Variants in HEATR6 observed in about 807,000 individuals in gnomAD.
HEATR6 encodes the protein HEAT repeat-containing protein 6.
A neutral mutation model predicts 132.8 loss-of-function variants in HEATR6; 106 were observed. That is an observed-to-expected ratio of 0.80 (90% CI 0.68 to 0.94). The LOEUF is 0.94. HEATR6 is among the 40% of genes least tolerant of loss of function. The pLI, the probability that HEATR6 is intolerant of heterozygous loss-of-function variation, is 0.00. For missense variants in HEATR6, 1,339 were observed against 1,425.1 expected, an observed-to-expected ratio of 0.94 and a Z score of 0.97; for synonymous variants, 529 against 537.8, an observed-to-expected ratio of 0.98 and a Z score of 0.23.
chr17:60,076,030 AAAAACAGCC>A, intron 2 of HEATR6, 91 bp downstream of exon 2: 1 of 654,048 alleles, frequency 1.5e-6, no homozygotes, highest in South Asian at 2.0e-5. Context: ...TAGCATCTCA[AAAAACAGCC>A]TATCATACCT....
Position 60,069,783 on chromosome 17 carries a change from C to A in HEATR6, c.867G>T (p.Pro289=), listed in dbSNP as rs181089053. ...GTGTTCGCCCATCATACTGAGGAAG[C>A]GGAGTTGGGTATAACACCGTGGGCA... ...IEMPTVLYPT[P]LPQYDGRTPI... Residue 289 remains proline, a synonymous_variant, in exon 7 of 20, where the codon CCG becomes CCT. Coordinates refer to ENST00000184956, the MANE Select transcript of HEATR6 (RefSeq NM_022070.5). 1.1e-5 allele frequency: 17 copies of A among 1,613,882 alleles called. No homozygotes were observed. Among genetic ancestry groups the A allele is most frequent in the Non-Finnish European group, 1.4e-5 (17 of 1,179,914 alleles).
chr17:60,070,503 T>G (rs539356513), intron 6 of HEATR6, among the ~76,000 whole-genome samples: 3 of 152,248 alleles, frequency 2.0e-5, no homozygotes, highest in Non-Finnish European at 4.4e-5. Flanking sequence ...AATTTTAAAA[T>G]TTTGATGCAT....
intron 16 of HEATR6, 78 bp from the exon 17 acceptor site, chr17:60,048,466 T>C: frequency 7.1e-7 from 1 of 1,414,924 alleles, no homozygotes; most frequent in Admixed American, 2.0e-5. Context: ...TATTTTCAGA[T>C]AAAGCTAGAA....
intron 8 of HEATR6, among the ~76,000 whole-genome samples, chr17:60,066,785 G>A (rs2083243108): frequency 6.6e-6 from 1 of 152,190 alleles, no homozygotes; most frequent in African/African-American, 2.4e-5. Context: ...CAAAGCCCCA[G>A]CCTTGACAAG....
At chr17:60,060,205 G>A in intron 9 of HEATR6, 109 bp from the exon 10 acceptor site, 1 of 768,886 alleles carries the variant, frequency 1.3e-6, no homozygotes, top group Non-Finnish European at 2.1e-6. Context: ...TTAATTGGAA[G>A]AATAAAGGCA....
rs754417578 is a variant in HEATR6 at position 60,078,848 on chromosome 17, T to TTGCTTCCCGCGG, written c.55_66dup (p.Pro19_Ala22dup). On this transcript the variant is annotated inframe_insertion, in exon 1 of 20. Transcript: ENST00000184956. ...CGAAACCCATTGCCTCGCTCAGGGA[T>TTGCTTCCCGCGG]TGCTTCCCGCGGTGCCTCCCGCGGC... 6 of 1,485,308 alleles carry TTGCTTCCCGCGG rather than the reference T, an allele frequency of 4.0e-6. No individual in the cohort carries two copies. The highest frequency in any genetic ancestry group is 5.4e-6 in the Non-Finnish European group (6 of 1,101,776). 92.0% of individuals were successfully genotyped at this position (1,485,308 alleles called of 1,614,324 possible).
chr17:60,078,625 A>C, intron 1 of HEATR6, 71 bp downstream of exon 1: 1 of 1,211,272 alleles, frequency 8.3e-7, no homozygotes, highest in Non-Finnish European at 1.2e-6. Flanking sequence ...AGGGAAAGGC[A>C]GGCAGAGGCC....
At chr17:60,052,966 A>C (rs1024641806) in intron 14 of HEATR6, among the ~76,000 whole-genome samples, 2 of 152,060 alleles carry the variant, frequency 1.3e-5, no homozygotes, top group Admixed American at 6.6e-5. Context: ...TTCCTTTTTT[A>C]CAACTAGGAA....
In HEATR6 at chr17:60,043,519, C is replaced by A. The variant is rs757931443; in HGVS notation, c.*44G>T. 1.3e-6 allele frequency: 2 copies of A among 1,486,594 alleles called. No homozygotes were observed. Among genetic ancestry groups the A allele is most frequent in the South Asian group, 1.2e-5 (1 of 81,158 alleles). 92.1% of individuals were successfully genotyped at this position (1,486,594 alleles called of 1,614,324 possible). On this transcript the variant is annotated 3_prime_UTR_variant, in exon 20 of 20. Coordinates refer to ENST00000184956, the MANE Select transcript of HEATR6 (RefSeq NM_022070.5). ...ACAGATCTTATGCTCAAGCTCAGGT[C>A]TTCCTACTGCCGCCTTCGACATCTA...
At chr17:60,044,465 G>C (rs1337322408) in intron 19 of HEATR6, among the ~76,000 whole-genome samples, 1 of 152,172 alleles carries the variant, frequency 6.6e-6, no homozygotes, top group Non-Finnish European at 1.5e-5. Context: ...TGGCTTTGTG[G>C]GCAGAGCGTG....
At chr17:60,073,317 C>T in intron 3 of HEATR6, 38 bp from the exon 4 acceptor site, 6 of 1,182,540 alleles carry the variant, frequency 5.1e-6, no homozygotes, top group Non-Finnish European at 7.6e-6. Flanking sequence ...CAAAGAAAAG[C>T]TTCTAGGAAA....
At chr17:60,072,086 C>T (rs1196169097) in intron 5 of HEATR6, 129 bp downstream of exon 5, 1 of 423,650 alleles carries the variant, frequency 2.4e-6, no homozygotes, top group Non-Finnish European at 4.3e-6. Flanking sequence ...TTTTAGGTTA[C>T]AAACATTTCA....
intron 1 of HEATR6, 73 bp from the exon 2 acceptor site, chr17:60,076,310 G>A: frequency 4.0e-6 from 3 of 749,012 alleles, no homozygotes; most frequent in Non-Finnish European, 4.4e-6. Flanking sequence ...CAGCCAAATG[G>A]GAAAATAAAA....
chr17:60,047,780 T>C (rs1906421547), intron 17 of HEATR6, among the ~76,000 whole-genome samples: 1 of 152,216 alleles, frequency 6.6e-6, no homozygotes, highest in Admixed American at 6.5e-5. Flanking sequence ...TTACACATTT[T>C]ACATGTTGCT....
chr17:60,062,598 A>G (rs6503944), intron 9 of HEATR6, among the ~76,000 whole-genome samples: 16,003 of 152,220 alleles, frequency 0.11, 1,191 homozygotes, highest in African/African-American at 0.2. Flanking sequence ...TGCTGGGAGT[A>G]GGTACATTGA....
At chr17:60,063,433 G>C (rs984324275) in intron 9 of HEATR6, 2 of 152,216 alleles carry the variant, frequency 1.3e-5, no homozygotes, top group Middle Eastern at 3.4e-3. Flanking sequence ...AATTAGTCTT[G>C]TTATTTTTAT....
intron 15 of HEATR6, among the ~76,000 whole-genome samples, chr17:60,049,993 G>A (rs1199244603): frequency 1.3e-5 from 2 of 152,042 alleles, no homozygotes; most frequent in Admixed American, 1.3e-4. Context: ...ATGTCACTGA[G>A]GACCAAAGAA....
rs533823433 is a variant in HEATR6, at chr17:60,053,310, G to A, written c.2289+2205C>T. 7.9e-5 allele frequency among the ~76,000 whole-genome samples: 12 copies of A among 152,316 alleles called. No homozygotes were observed. The East Asian group carries it at 1.9e-3, about 24-fold the overall frequency. Reference sequence around the variant, plus strand: ...CACCAGAACTAGATGCTGGCACCATGCTTCTCGTATAGCCTGCAGAACTGT... The same window carrying A: ...CACCAGAACTAGATGCTGGCACCATACTTCTCGTATAGCCTGCAGAACTGT... On this transcript the variant is annotated intron_variant, in intron 14 of 19. Transcript: ENST00000184956.
chr17:60,078,598 G>T, intron 1 of HEATR6, 98 bp downstream of exon 1: 1 of 909,952 alleles, frequency 1.1e-6, no homozygotes, highest in Non-Finnish European at 1.6e-6. Flanking sequence ...ATCATCAGGC[G>T]CGAGAGTGGG....
Sources: allele counts gnomAD v4.1 joint callset (sites outside exome capture counted in the v4.1 genomes callset), GRCh38; gene constraint gnomAD v4.1.1; transcripts MANE v1.5; gene names NCBI Gene and HGNC (gene_info 2026-07-23, HGNC 2026-07-21).